The following ALK variants were observed in gnomAD, a reference collection of about 807,000 sequenced individuals.
The protein encoded by ALK is ALK tyrosine kinase receptor.
Under a neutral mutation model 163.1 loss-of-function variants are expected in ALK, and 74 were observed. The observed-to-expected ratio is 0.45, with a 90% CI of 0.38 to 0.55. The LOEUF is 0.55. Among genes scored for constraint, ALK ranks in the 20% least tolerant of loss-of-function variants. The pLI, the probability that ALK is intolerant of heterozygous loss-of-function variation, is 0.00. For missense variants in ALK, 2,063 were observed against 2,105.3 expected (o/e 0.98, Z 0.39); for synonymous variants, 960 against 843.2 (o/e 1.14, Z -2.40).
At chr2:29,196,943 G>T (rs1002176256) in intron 27 of ALK, 83 bp from the exon 28 acceptor site, 1 of 1,202,194 alleles carries the variant, frequency 8.3e-7, no homozygotes, top group African/African-American at 1.5e-5. Context: ...GGGTTGCAAC[G>T]AATACGTTGA....
intron 4 of ALK, among the ~76,000 whole-genome samples, chr2:29,497,203 C>T (rs146406807): frequency 0.013 from 2,037 of 151,862 alleles, 32 homozygotes; most frequent in Non-Finnish European, 0.02. Flanking sequence ...ACCTGGGAGA[C>T]GGAGGTTGCA....
intron 3 of ALK, among the ~76,000 whole-genome samples, chr2:29,647,689 T>A (rs10185779): frequency 1.3e-5 from 2 of 152,024 alleles, no homozygotes; most frequent in African/African-American, 4.8e-5. Context: ...AATGCCCCTT[T>A]TCACACAAAC....
rs574547109 is a variant in ALK, at chr2:29,772,839, G to T, written c.668-55142C>A. 2.6e-5 allele frequency among the ~76,000 whole-genome samples: 4 copies of T among 152,164 alleles called. 1 individual carries two copies. Among genetic ancestry groups the T allele is most frequent in the South Asian group, 2.1e-4 (1 of 4,830 alleles). On this transcript the variant is annotated intron_variant, in intron 1 of 28. Coordinates refer to ENST00000389048, the MANE Select transcript of ALK (RefSeq NM_004304.5). ...CTTCAAGTGCCCCAGCCTCTTACAG[G>T]TCTTGATAATATTTTCCTACCTGGT...
At position 29,717,682 on chromosome 2, in the gene ALK, T is replaced by G; in HGVS notation, c.683A>C (p.Glu228Ala). The change falls in exon 2 of 29, where the codon GAA becomes GCA. Residue 228 changes from glutamate (E) to alanine (A), a missense_variant. Physicochemically the swap from Glu to Ala is moderately radical, Grantham distance 107. This residue lies in a region of ALK where 987 missense variants were observed against 939.5 expected (regional missense o/e 1.05). Coordinates refer to ENST00000389048, the MANE Select transcript of ALK (RefSeq NM_004304.5). The part of the protein sequence containing the change: ...QIFGTGHSSL[E>A]SPTNMPSPSP... ...AGGAGAAGGCATGTTTGTTGGTGAT[T>G]CCAAGGAGCTATGACCTGGACATAA... is the stretch of plus-strand genomic sequence containing the variant. 6.2e-7 allele frequency: 1 copy of G among 1,614,184 alleles called. No homozygotes were observed. Among genetic ancestry groups the G allele is most frequent in the Non-Finnish European group, 8.5e-7 (1 of 1,180,012 alleles).
At chr2:29,477,027 G>A (rs11889098) in intron 4 of ALK, among the ~76,000 whole-genome samples, 5,207 of 152,226 alleles carry the variant, frequency 0.034, 248 homozygotes, top group African/African-American at 0.11. Context: ...TGGAGCAGCA[G>A]GATCTAGGTG....
chr2:29,453,015 G>A (rs1478623960), intron 4 of ALK, among the ~76,000 whole-genome samples: 1 of 152,174 alleles, frequency 6.6e-6, no homozygotes, highest in Non-Finnish European at 1.5e-5. Context: ...TGCAGGAAAC[G>A]GGATTGGCTC....
chr2:29,768,713 C>CTGTGTGTG (rs1553359129), intron 1 of ALK, among the ~76,000 whole-genome samples: 14 of 142,860 alleles, frequency 9.8e-5, no homozygotes, highest in Admixed American at 3.7e-4. Context: ...TTATATATGT[C>CTGTGTGTG]TGTGTGTGTG....
At position 29,420,992 on chromosome 2, in the gene ALK, C is replaced by T. The variant is rs188873353; in HGVS notation, c.1155-37133G>A. Among the ~76,000 whole-genome samples the T allele has an allele frequency of 4.0e-5, 6 of 151,680 alleles. No homozygotes were observed. In the East Asian group the frequency reaches 9.6e-4, roughly 24 times the overall value. On this transcript the variant is annotated intron_variant, in intron 4 of 28. Coordinates refer to ENST00000389048, the MANE Select transcript of ALK (RefSeq NM_004304.5). Reference sequence around the variant, plus strand: ...CAGAACTTGTCAGGAAAAGCAATGGCCAGGAGCTACTGGTGGCTCTTGACC... The same window carrying T: ...CAGAACTTGTCAGGAAAAGCAATGGTCAGGAGCTACTGGTGGCTCTTGACC...
At chr2:29,235,889 T>TTTC (rs1664363895) in intron 13 of ALK, among the ~76,000 whole-genome samples, 1 of 125,830 alleles carries the variant, frequency 7.9e-6, no homozygotes, top group East Asian at 2.1e-4. Flanking sequence ...TTTTTTTTTT[T>TTTC]AAGAAACAGG....
chr2:29,542,696 A>G (rs551403220), intron 3 of ALK, among the ~76,000 whole-genome samples: 35 of 152,108 alleles, frequency 2.3e-4, no homozygotes, highest in South Asian at 4.2e-4. Context: ...AGCTTTTGGG[A>G]TCTTTCTTTA....
At chr2:29,590,899 G>A (rs978397748) in intron 3 of ALK, among the ~76,000 whole-genome samples, 3 of 151,376 alleles carry the variant, frequency 2.0e-5, no homozygotes, top group Non-Finnish European at 4.4e-5. Context: ...GTGAAACCCC[G>A]TTTCTACTAA....
In ALK at chr2:29,576,114, T is replaced by C. The variant is rs544133406; in HGVS notation, c.953-43998A>G. Among the ~76,000 whole-genome samples, 4 of 152,334 alleles carry C rather than the reference T, an allele frequency of 2.6e-5. No homozygotes were observed. In the East Asian group the frequency reaches 7.7e-4, roughly 29 times the overall value. On this transcript the variant is annotated intron_variant, in intron 3 of 28. Transcript: ENST00000389048. The stretch of plus-strand genomic sequence containing the variant: ...GGTGCAGTCAGGAACTGGGGCTGAC[T>C]GATTGGCTGCTCTAGGTCATTTGAA...
chr2:29,831,204 G>GGAAGAGGAAGAGGAAGA (rs1558508916), intron 1 of ALK, among the ~76,000 whole-genome samples: 1 of 51,208 alleles, frequency 2.0e-5, no homozygotes, highest in African/African-American at 7.8e-5. Flanking sequence ...GAAGGGGAAG[G>GGAAGAGGAAGAGGAAGA]GGAAGAGGAA....
intron 5 of ALK, among the ~76,000 whole-genome samples, chr2:29,371,869 A>C (rs1668645708): frequency 6.6e-6 from 1 of 151,982 alleles, no homozygotes; most frequent in South Asian, 2.1e-4. Context: ...TCCTCTGTCC[A>C]CCCTGGAGTG....
intron 1 of ALK, among the ~76,000 whole-genome samples, chr2:29,745,864 G>A (rs1680195869): frequency 6.6e-6 from 1 of 152,186 alleles, no homozygotes; most frequent in Non-Finnish European, 1.5e-5. Context: ...ATGAGGGAAT[G>A]ATCCTAGACT....
At position 29,916,429 on chromosome 2, in the gene ALK, C is replaced by T. The variant is rs185096620; in HGVS notation, c.667+3564G>A. Reference sequence around the variant, plus strand: ...ATCTTTCATTGTAAATCAGTCCCTTCAACTGTTAAATCAGCTCTCTGCTCT... The same window carrying T: ...ATCTTTCATTGTAAATCAGTCCCTTTAACTGTTAAATCAGCTCTCTGCTCT... On this transcript the variant is annotated intron_variant, in intron 1 of 28. Transcript: ENST00000389048. Among the ~76,000 whole-genome samples, 10 of 152,310 alleles carry T rather than the reference C, an allele frequency of 6.6e-5. No individual in the cohort carries two copies. In the East Asian group the frequency reaches 1.9e-3, roughly 29 times the overall value.
chr2:29,235,284 G>A lies in ALK; in HGVS notation c.2356-1588C>T, dbSNP rs1255363237. ...GCCAGTAAAACATCACATTTCCATCGATGCTGCTTCGTAACCAGCTAGTGG... is the reference window on the plus strand; with the variant it reads ...GCCAGTAAAACATCACATTTCCATCAATGCTGCTTCGTAACCAGCTAGTGG... On this transcript the variant is annotated intron_variant, in intron 13 of 28. Coordinates refer to ENST00000389048, the MANE Select transcript of ALK (RefSeq NM_004304.5). Among the ~76,000 whole-genome samples, 6 of 152,144 alleles carry A rather than the reference G, an allele frequency of 3.9e-5. No individual in the cohort carries two copies. In the South Asian group the frequency reaches 1.0e-3, roughly 26 times the overall value.
intron 3 of ALK, among the ~76,000 whole-genome samples, chr2:29,668,559 C>T (rs1358307718): frequency 6.6e-6 from 1 of 151,966 alleles, no homozygotes; most frequent in Non-Finnish European, 1.5e-5. Context: ...TGTGTATTTT[C>T]CAAGGTTACT....
intron 4 of ALK, among the ~76,000 whole-genome samples, chr2:29,518,267 A>G (rs1672723685): frequency 6.6e-6 from 1 of 152,196 alleles, no homozygotes. Context: ...TCAGTATAAA[A>G]ATGTCTCTGG....
Sources: allele counts gnomAD v4.1 joint callset (sites outside exome capture counted in the v4.1 genomes callset), GRCh38; gene constraint gnomAD v4.1.1; regional missense constraint gnomAD v4.1.1; transcripts MANE v1.5; gene names NCBI Gene and HGNC (gene_info 2026-07-23, HGNC 2026-07-21).